Variants in ZNF696 observed in about 807,000 individuals in gnomAD.
The protein encoded by ZNF696 is zinc finger protein 696.
A neutral mutation model predicts 12.3 loss-of-function variants in ZNF696; 10 were observed. The observed-to-expected ratio is 0.81, with a 90% CI of 0.50 to 1.38. The LOEUF is 1.38. Ranked by LOEUF, ZNF696 falls within the 40% of genes most tolerant of loss-of-function variation. The probability of loss-of-function intolerance (pLI) is 0.00; values close to 1 mark genes in which losing one functional copy is unlikely to be tolerated. For synonymous variants in ZNF696, 304 were observed against 243.9 expected, an observed-to-expected ratio of 1.25 and a Z score of -2.29; for missense variants, 675 against 554.7, an observed-to-expected ratio of 1.22 and a Z score of -2.18.
chr8:143,296,987 C>CG lies in ZNF696; in HGVS notation c.*191dup. 1 of 553,480 alleles carries CG rather than the reference C, an allele frequency of 1.8e-6. No homozygotes were observed. Among genetic ancestry groups the CG allele is most frequent in the Non-Finnish European group, 2.8e-6 (1 of 350,884 alleles). The allele number at this position is 553,480 out of a possible 1,614,324, so 34.3% of individuals were successfully genotyped here. Reference sequence around the variant, plus strand: ...GGGAGCAATCAGGAGAGACAGGGCTCGGGGAAGGCGAGCGCTGCCCGCGGG... The same window carrying CG: ...GGGAGCAATCAGGAGAGACAGGGCTCGGGGGAAGGCGAGCGCTGCCCGCGGG... On this transcript the variant is annotated 3_prime_UTR_variant, in exon 3 of 3. Coordinates refer to ENST00000330143, the MANE Select transcript of ZNF696 (RefSeq NM_030895.3).
chr8:143,292,862 C>T (rs957713226), intron 1 of ZNF696, 110 bp from the exon 2 acceptor site: 17 of 907,092 alleles, frequency 1.9e-5, no homozygotes, highest in Admixed American at 2.6e-5. Context: ...ATGCAGCTCC[C>T]ACAGGGCCTG....
In ZNF696 at chr8:143,295,938, G is replaced by C; in HGVS notation, c.263G>C (p.Arg88Pro). The C allele has an allele frequency of 3.2e-6, 5 of 1,562,642 alleles. No individual in the cohort carries two copies. Among genetic ancestry groups the C allele is most frequent in the Non-Finnish European group, 4.3e-6 (5 of 1,153,534 alleles). Residue 88 changes from arginine (R) to proline (P), a missense_variant, in exon 3 of 3, where the codon CGA (arginine) becomes CCA (proline). Physicochemically the swap from Arg to Pro is moderately radical, Grantham distance 103. Coordinates refer to ENST00000330143, the MANE Select transcript of ZNF696 (RefSeq NM_030895.3). ...AGAGAGAGGCCCGGAGGTTCCCCTC[G>C]AGGCCCGGTCACTTCTGAGAAAACT... Reference protein sequence around the residue: ...EARERPGGSPRGPVTSEKTGG... With the variant: ...EARERPGGSPPGPVTSEKTGG...
At chr8:143,295,351 T>C (rs1322162999) in intron 2 of ZNF696, 3 of 478,104 alleles carry the variant, frequency 6.3e-6, no homozygotes, top group African/African-American at 3.9e-5. Flanking sequence ...TTTCTGTTTG[T>C]ATATTTTTAA....
rs1238720034 is a variant in ZNF696, at chr8:143,298,950, A to T, written c.*2150A>T. ...CTGAGGCAGTGGATCACCTGAGGTC[A>T]GGAGTTTGAGACCACCCTGGCCAAC... On this transcript the variant is annotated 3_prime_UTR_variant, in exon 3 of 3. Coordinates refer to ENST00000330143, the MANE Select transcript of ZNF696 (RefSeq NM_030895.3). 6.6e-6 allele frequency among the ~76,000 whole-genome samples: 1 copy of T among 152,170 alleles called. No homozygotes were observed. The highest frequency in any genetic ancestry group is 2.4e-5 in the African/African-American group (1 of 41,432).
Position 143,293,085 on chromosome 8 carries a change from G to A in ZNF696, c.64+20G>A. On this transcript the variant is annotated intron_variant, in intron 2 of 2. Coordinates refer to ENST00000330143, the MANE Select transcript of ZNF696 (RefSeq NM_030895.3). ...TTGCAGGTGAGGGGACATGTCCACA[G>A]TCGGGCCCAGAGTTCCAGGGCAGGA... 1.2e-6 allele frequency: 2 copies of A among 1,601,732 alleles called. No homozygotes were observed. Among genetic ancestry groups the A allele is most frequent in the Non-Finnish European group, 1.7e-6 (2 of 1,169,262 alleles).
At chr8:143,291,919 G>A (rs560648947) in intron 1 of ZNF696, among the ~76,000 whole-genome samples, 152 bp downstream of exon 1, 55 of 152,096 alleles carry the variant, frequency 3.6e-4, no homozygotes, top group Non-Finnish European at 1.9e-4. Flanking sequence ...TGGCAGGCGG[G>A]ATTACAGGCG....
chr8:143,296,425 G>A lies in ZNF696; in HGVS notation c.750G>A (p.Ser250=), dbSNP rs1169963265. The change falls in exon 3 of 3, where the codon TCG becomes TCA. Residue 250 remains serine (S), a synonymous_variant. Coordinates refer to ENST00000330143, the MANE Select transcript of ZNF696 (RefSeq NM_030895.3). ...GECGKRFLHS[S]NVVRHRRTHH... ...GCGGGAAGCGCTTCCTGCACAGCTCGAACGTGGTCCGGCACCGGCGGACCC... is the reference window on the plus strand; with the variant it reads ...GCGGGAAGCGCTTCCTGCACAGCTCAAACGTGGTCCGGCACCGGCGGACCC... 2 of 1,604,860 alleles carry A rather than the reference G, an allele frequency of 1.2e-6. No individual in the cohort carries two copies. The highest frequency in any genetic ancestry group is 1.7e-6 in the Non-Finnish European group (2 of 1,177,838).
chr8:143,293,597 C>G (rs1815660692), intron 2 of ZNF696, among the ~76,000 whole-genome samples: 1 of 152,242 alleles, frequency 6.6e-6, no homozygotes, highest in Admixed American at 6.5e-5. Context: ...GTGGGCAGTG[C>G]AGGCCCTGCT....
At chr8:143,295,572 A>G (rs1815693892) in intron 2 of ZNF696, 168 bp from the exon 3 acceptor site, 4 of 764,616 alleles carry the variant, frequency 5.2e-6, no homozygotes, top group East Asian at 2.7e-5. Context: ...TGGGGAGGAG[A>G]AAAAAACTAA....
rs1025909198 is a variant in ZNF696, at chr8:143,291,433, A to T, written c.-365A>T. ...GCGGGGACCGTAGCGGGTGCAGTCC[A>T]GCTGCTCTGGACGCTGAGGCCCCGG... On this transcript the variant is annotated 5_prime_UTR_variant, in exon 1 of 3. Coordinates refer to ENST00000330143, the MANE Select transcript of ZNF696 (RefSeq NM_030895.3). 8.1e-6 allele frequency: 8 copies of T among 985,828 alleles called. No individual in the cohort carries two copies. In the African/African-American group the frequency reaches 1.4e-4, roughly 17 times the overall value. 61.1% of individuals were successfully genotyped at this position (985,828 alleles called of 1,614,324 possible). A position where few individuals can be genotyped will look rare whatever the true frequency, so the allele number is the denominator to read the frequency against.
chr8:143,296,789 G>A lies in ZNF696; in HGVS notation c.1114G>A (p.Gly372Ser). ...FHLIQHRRVH[G>S]AE is the part of the protein sequence containing the mutation. Reference sequence around the variant, plus strand: ...CCTCATCCAGCACCGGCGGGTGCATGGCGCCGAGTGAGCCGGGGCTGCGGC... The same window carrying A: ...CCTCATCCAGCACCGGCGGGTGCATAGCGCCGAGTGAGCCGGGGCTGCGGC... Residue 372 changes from glycine (G) to serine (S), a missense_variant, in exon 3 of 3, where the codon GGC becomes AGC. Coordinates refer to ENST00000330143, the MANE Select transcript of ZNF696 (RefSeq NM_030895.3). 2.8e-6 allele frequency: 4 copies of A among 1,411,072 alleles called. No homozygotes were observed. The highest frequency in any genetic ancestry group is 3.7e-6 in the Non-Finnish European group (4 of 1,090,478). 87.4% of individuals were successfully genotyped at this position (1,411,072 alleles called of 1,614,324 possible).
At position 143,296,854 on chromosome 8, in the gene ZNF696, C is replaced by T; in HGVS notation, c.*54C>T. ...CGGCCTGGTGGGCGCGAGGCCGAGG[C>T]CGGGGGAGGCTCCTGTCCGCCCCGT... On this transcript the variant is annotated 3_prime_UTR_variant, in exon 3 of 3. Coordinates refer to ENST00000330143, the MANE Select transcript of ZNF696 (RefSeq NM_030895.3). 1 of 1,346,968 alleles carries T rather than the reference C, an allele frequency of 7.4e-7. No homozygotes were observed. Among genetic ancestry groups the T allele is most frequent in the Non-Finnish European group, 9.5e-7 (1 of 1,049,492 alleles). The allele number at this position is 1,346,968 out of a possible 1,614,324, so 83.4% of individuals were successfully genotyped here. A position where few individuals can be genotyped will look rare whatever the true frequency, so the allele number is the denominator to read the frequency against.
Position 143,296,610 on chromosome 8 carries a change from G to A in ZNF696, c.935G>A (p.Arg312His). 2.5e-6 allele frequency: 4 copies of A among 1,585,402 alleles called. No individual in the cohort carries two copies. The highest frequency in any genetic ancestry group is 1.7e-5 in the Admixed American group (1 of 58,292). Reference sequence around the variant, plus strand: ...CGCAGCTCCTTCCTCCGCGAGCACCGCCGCATCCACACCGGGGAGAAGCCC... The same window carrying A: ...CGCAGCTCCTTCCTCCGCGAGCACCACCGCATCCACACCGGGGAGAAGCCC... ...FSRSSFLREH[R>H]RIHTGEKPHQ... The change falls in exon 3 of 3, where the codon CGC becomes CAC. Residue 312 changes from arginine (R) to histidine (H), a missense_variant. By Grantham distance (29) the Arg-to-His change is conservative. Coordinates refer to ENST00000330143, the MANE Select transcript of ZNF696 (RefSeq NM_030895.3).
chr8:143,293,104 G>A, intron 2 of ZNF696, 39 bp downstream of exon 2: 1 of 1,552,136 alleles, frequency 6.4e-7, no homozygotes, highest in Non-Finnish European at 8.9e-7. Context: ...AGAGTTCCAG[G>A]GCAGGAATTG....
At position 143,297,210 on chromosome 8, in the gene ZNF696, G is replaced by C. The variant is rs577288915; in HGVS notation, c.*410G>C. ...GGCTTCGGGTTGGTGAAGGCGGGGTGGGGGGGCAGTTAGGAAGGGGGCGCC... is the reference window on the plus strand; with the variant it reads ...GGCTTCGGGTTGGTGAAGGCGGGGTCGGGGGGCAGTTAGGAAGGGGGCGCC... On this transcript the variant is annotated 3_prime_UTR_variant, in exon 3 of 3. Transcript: ENST00000330143. 3 of 173,246 alleles carry C rather than the reference G, an allele frequency of 1.7e-5. No homozygotes were observed. The highest frequency in any genetic ancestry group is 2.4e-5 in the Non-Finnish European group (2 of 82,782). The allele number at this position is 173,246 out of a possible 1,614,324, so 10.7% of individuals were successfully genotyped here. A position where few individuals can be genotyped will look rare whatever the true frequency, so the allele number is the denominator to read the frequency against.
intron 2 of ZNF696, among the ~76,000 whole-genome samples, chr8:143,294,859 G>T (rs564874118): frequency 6.6e-6 from 1 of 152,216 alleles, no homozygotes; most frequent in East Asian, 1.9e-4. Flanking sequence ...GGAGGCTCAG[G>T]TGGGAGGAGG....
chr8:143,294,863 G>A (rs1026111273), intron 2 of ZNF696, among the ~76,000 whole-genome samples: 7 of 152,078 alleles, frequency 4.6e-5, no homozygotes, highest in African/African-American at 1.4e-4. Context: ...GCTCAGGTGG[G>A]AGGAGGGTTG....
rs1256317938 is a variant in ZNF696, at chr8:143,296,987, CG to C, written c.*191del. 2 of 553,364 alleles carry C rather than the reference CG, an allele frequency of 3.6e-6. No individual in the cohort carries two copies. The highest frequency in any genetic ancestry group is 5.7e-6 in the Non-Finnish European group (2 of 350,892). The allele number at this position is 553,364 out of a possible 1,614,324, so 34.3% of individuals were successfully genotyped here. On this transcript the variant is annotated 3_prime_UTR_variant, in exon 3 of 3. Transcript: ENST00000330143. ...GGGAGCAATCAGGAGAGACAGGGCTCGGGGAAGGCGAGCGCTGCCCGCGGGA... is the reference window on the plus strand; with the variant it reads ...GGGAGCAATCAGGAGAGACAGGGCTCGGGAAGGCGAGCGCTGCCCGCGGGA...
chr8:143,296,803 CG>C lies in ZNF696; in HGVS notation c.*7del. ...GGCGGGTGCATGGCGCCGAGTGAGC[CG>C]GGGCTGCGGCGGAAGAGATGCCGGC... On this transcript the variant is annotated 3_prime_UTR_variant, in exon 3 of 3. Transcript: ENST00000330143. The C allele has an allele frequency of 7.2e-7, 1 of 1,390,474 alleles. No individual in the cohort carries two copies. Among genetic ancestry groups the C allele is most frequent in the Non-Finnish European group, 9.3e-7 (1 of 1,079,758 alleles). The allele number at this position is 1,390,474 out of a possible 1,614,324, so 86.1% of individuals were successfully genotyped here. A position where few individuals can be genotyped will look rare whatever the true frequency, so the allele number is the denominator to read the frequency against.
Sources: gnomAD v4.1 joint callset for allele counts (sites outside exome capture counted in the v4.1 genomes callset) on GRCh38, gnomAD v4.1.1 for gene constraint, MANE v1.5 for transcripts, NCBI Gene and HGNC (gene_info 2026-07-23, HGNC 2026-07-21) for gene names.